The following ARMH1 variants were observed in gnomAD, a reference collection of about 807,000 sequenced individuals.
ARMH1 encodes armadillo-like helical domain containing protein 1.
ARMH1 carries 34 observed loss-of-function variants against 50.2 expected under a neutral mutation model. That is an observed-to-expected ratio of 0.68 (90% CI 0.51 to 0.90). The LOEUF (loss-of-function observed/expected upper bound fraction) is 0.90. ARMH1 is among the 40% of genes least tolerant of loss of function. The probability of loss-of-function intolerance (pLI) is 0.00; values close to 1 mark genes in which losing one functional copy is unlikely to be tolerated. For synonymous variants in ARMH1, 221 were observed against 224.2 expected (o/e 0.99, Z 0.13); for missense variants, 538 against 553.9 (o/e 0.97, Z 0.29).
At chr1:44,707,887 G>A (rs781163764) in intron 6 of ARMH1, among the ~76,000 whole-genome samples, 4 of 152,194 alleles carry the variant, frequency 2.6e-5, no homozygotes, top group Non-Finnish European at 5.9e-5. Context: ...GTTTGTTATA[G>A]GATCATGTGA....
chr1:44,695,544 TA>T (rs141425397), intron 2 of ARMH1, among the ~76,000 whole-genome samples: 69,519 of 151,868 alleles, frequency 0.46, 16,700 homozygotes, highest in African/African-American at 0.6. Context: ...TCTCAATACT[TA>T]AAGGGAGGCA....
At chr1:44,686,855 T>G (rs907061258) in intron 1 of ARMH1, among the ~76,000 whole-genome samples, 18 of 151,608 alleles carry the variant, frequency 1.2e-4, no homozygotes, top group Non-Finnish European at 2.2e-4. Context: ...GCAGGAGGAC[T>G]GCTTGAGGCC....
chr1:44,699,951 T>C (rs2983711), intron 4 of ARMH1, among the ~76,000 whole-genome samples: 4,547 of 151,376 alleles, frequency 0.03, 225 homozygotes, highest in African/African-American at 0.1. Flanking sequence ...TGCCTCAGCC[T>C]CCCCAGTAAC....
chr1:44,689,500 A>T (rs1645585619), intron 1 of ARMH1, among the ~76,000 whole-genome samples, 176 bp from the exon 2 acceptor site: 1 of 152,196 alleles, frequency 6.6e-6, no homozygotes, highest in Non-Finnish European at 1.5e-5. Context: ...ATTACACTCC[A>T]GCTAGAGCCT....
chr1:44,703,560 TAAAAA>T (rs1186744272), intron 5 of ARMH1, among the ~76,000 whole-genome samples: 79 of 107,032 alleles, frequency 7.4e-4, no homozygotes, highest in African/African-American at 2.5e-3. Context: ...CCGTCTCTAC[TAAAAA>T]AAAAAAAAAA....
chr1:44,716,286 T>C (rs1433186577), intron 6 of ARMH1, among the ~76,000 whole-genome samples: 1 of 152,240 alleles, frequency 6.6e-6, no homozygotes, highest in Non-Finnish European at 1.5e-5. Flanking sequence ...GTCGCTAATC[T>C]TTATAGAGTG....
At position 44,699,472 on chromosome 1, in the gene ARMH1, C is replaced by T. The variant is rs140252790; in HGVS notation, c.442+1243C>T. On this transcript the variant is annotated intron_variant, in intron 4 of 11. Coordinates refer to ENST00000535358, the MANE Select transcript of ARMH1 (RefSeq NM_001145636.2). Reference sequence around the variant, plus strand: ...GTTTTTATTTTTTTCTTTTTTGAGACGGAGTCTCACTCTATCGCCCAGGCT... The same window carrying T: ...GTTTTTATTTTTTTCTTTTTTGAGATGGAGTCTCACTCTATCGCCCAGGCT... Among the ~76,000 whole-genome samples, 380 of 151,904 alleles carry T rather than the reference C, an allele frequency of 2.5e-3. 1 individual carries two copies. The highest frequency in any genetic ancestry group is 8.6e-3 in the African/African-American group (356 of 41,442).
chr1:44,699,589 A>G (rs1645965664), intron 4 of ARMH1, among the ~76,000 whole-genome samples: 1 of 151,812 alleles, frequency 6.6e-6, no homozygotes, highest in Non-Finnish European at 1.5e-5. Context: ...AGCTGGAATT[A>G]CAGGCATGCG....
intron 6 of ARMH1, chr1:44,721,850 A>T (rs1005323105): frequency 6.6e-6 from 1 of 152,188 alleles, no homozygotes; most frequent in African/African-American, 2.4e-5. Flanking sequence ...TCTCCACGGA[A>T]ATCTTTAGTA....
rs144110663 is a variant in ARMH1 at position 44,694,873 on chromosome 1, T to G, written c.207-2229T>G. Among the ~76,000 whole-genome samples, 1,271 of 152,290 alleles carry G rather than the reference T, an allele frequency of 8.3e-3. 16 individuals are homozygous for G. The highest frequency in any genetic ancestry group is 0.028 in the African/African-American group (1,177 of 41,548). ...TATATACTGTACAAATATTATGTCA[T>G]TTGGGCCTAACACCCAGCCTAATAG... On this transcript the variant is annotated intron_variant, in intron 2 of 11. Coordinates refer to ENST00000535358, the MANE Select transcript of ARMH1 (RefSeq NM_001145636.2).
In ARMH1 at chr1:44,724,309, C is replaced by T; in HGVS notation, c.848-11C>T. ...GGGCGGTCTCTTGCCTCACGGCTGC[C>T]CCCTCCTCAGACCCCTCGGTTCTCC... On this transcript the variant is annotated splice_polypyrimidine_tract_variant and intron_variant, in intron 7 of 11. Transcript: ENST00000535358. The surrounding 1 kb of genome is among the most constrained non-coding windows in gnomAD (Gnocchi z 6.4). The T allele has an allele frequency of 6.4e-7, 1 of 1,551,268 alleles. No homozygotes were observed. The highest frequency in any genetic ancestry group is 8.7e-7 in the Non-Finnish European group (1 of 1,146,724).
chr1:44,695,496 A>G (rs17388318), intron 2 of ARMH1, among the ~76,000 whole-genome samples: 8,737 of 152,290 alleles, frequency 0.057, 333 homozygotes, highest in Non-Finnish European at 0.089. Flanking sequence ...AGTGACTATG[A>G]AAACAAGACT....
At position 44,691,192 on chromosome 1, in the gene ARMH1, A is replaced by T. The variant is rs529891211; in HGVS notation, c.206+1289A>T. ...AGAATCATTTGAACCCGGGAGGCGG[A>T]GGTTGCAGTGAGCCAAGATCGCGCC... On this transcript the variant is annotated intron_variant, in intron 2 of 11. Coordinates refer to ENST00000535358, the MANE Select transcript of ARMH1 (RefSeq NM_001145636.2). Among the ~76,000 whole-genome samples the T allele has an allele frequency of 1.5e-4, 23 of 152,050 alleles. 1 individual carries two copies. In the South Asian group the frequency reaches 4.8e-3, roughly 32 times the overall value.
chr1:44,706,544 A>G (rs886319568), intron 6 of ARMH1, among the ~76,000 whole-genome samples: 1 of 152,172 alleles, frequency 6.6e-6, no homozygotes, highest in Admixed American at 6.5e-5. Flanking sequence ...GATCCTGGGG[A>G]AGATCAACAA....
intron 1 of ARMH1, among the ~76,000 whole-genome samples, chr1:44,676,748 G>C (rs1412914893): frequency 1.3e-5 from 2 of 152,226 alleles, no homozygotes; most frequent in Non-Finnish European, 2.9e-5. Context: ...AGATGGGATT[G>C]AGGAAGTGAA....
At chr1:44,698,300 C>A in intron 4 of ARMH1, 71 bp downstream of exon 4, 1 of 1,340,906 alleles carries the variant, frequency 7.5e-7, no homozygotes, top group Non-Finnish European at 9.9e-7. Flanking sequence ...CCCACCACTG[C>A]TATAGGAAAA....
At chr1:44,677,107 A>T (rs1388017033) in intron 1 of ARMH1, among the ~76,000 whole-genome samples, 1 of 152,204 alleles carries the variant, frequency 6.6e-6, no homozygotes, top group African/African-American at 2.4e-5. Context: ...TAAGAACATT[A>T]TATCAGCCAG....
chr1:44,697,166 A>G lies in ARMH1; in HGVS notation c.271A>G (p.Ser91Gly), dbSNP rs1240154261. 1 of 1,551,596 alleles carries G rather than the reference A, an allele frequency of 6.4e-7. No individual in the cohort carries two copies. The highest frequency in any genetic ancestry group is 2.0e-5 in the Admixed American group (1 of 50,998). ...RSIGIFLSAV[S>G]SNRYLIEFLE... The stretch of plus-strand genomic sequence containing the variant: ...CATTGGCATCTTCTTATCAGCTGTA[A>G]GCAGGTGAGTTCTGTTCTAGCGTGA... The change falls in exon 3 of 12, where the codon AGC becomes GGC. Residue 91 changes from serine to glycine, a missense_variant. Physicochemically the swap from Ser to Gly is moderately conservative, Grantham distance 56. Coordinates refer to ENST00000535358, the MANE Select transcript of ARMH1 (RefSeq NM_001145636.2).
rs147684091 is a variant in ARMH1 at position 44,690,925 on chromosome 1, G to A, written c.206+1022G>A. Reference sequence around the variant, plus strand: ...AACTCCTGACCTCAAAATGCTGGGAGTACAGGCATAAGACACCGCGCCCAG... The same window carrying A: ...AACTCCTGACCTCAAAATGCTGGGAATACAGGCATAAGACACCGCGCCCAG... On this transcript the variant is annotated intron_variant, in intron 2 of 11. Transcript: ENST00000535358. 5.7e-3 allele frequency among the ~76,000 whole-genome samples: 873 copies of A among 152,168 alleles called. 13 individuals carry two copies. Among genetic ancestry groups the A allele is most frequent in the African/African-American group, 0.02 (822 of 41,542 alleles).
Sources: gnomAD v4.1 joint callset for allele counts (sites outside exome capture counted in the v4.1 genomes callset) on GRCh38, gnomAD v4.1.1 for gene constraint, Gnocchi (gnomAD v3.1) non-coding constraint, MANE v1.5 for transcripts, NCBI Gene and HGNC (gene_info 2026-07-23, HGNC 2026-07-21) for gene names.